METTL25: variants seen among roughly 807,000 people sequenced by gnomAD.
METTL25 encodes probable methyltransferase-like protein 25.
METTL25 carries 64 observed loss-of-function variants against 71.6 expected under a neutral mutation model. That is an observed-to-expected ratio of 0.89 (90% CI 0.73 to 1.10). The LOEUF is 1.10. Ranked by LOEUF, METTL25 falls within the 50% of genes least tolerant of loss-of-function variation. The pLI, the probability that METTL25 is intolerant of heterozygous loss-of-function variation, is 0.00. For missense variants in METTL25, 807 were observed against 707.0 expected (o/e 1.14, Z -1.60); for synonymous variants, 287 against 250.3 (o/e 1.15, Z -1.38).
At chr12:82,450,095 C>T (rs889575351) in intron 8 of METTL25, among the ~76,000 whole-genome samples, 2 of 152,100 alleles carry the variant, frequency 1.3e-5, no homozygotes, top group Non-Finnish European at 2.9e-5. Flanking sequence ...TAGGGAAAGA[C>T]TCAGAATATA....
chr12:82,376,079 T>C (rs544345469), intron 1 of METTL25, among the ~76,000 whole-genome samples: 2 of 152,386 alleles, frequency 1.3e-5, no homozygotes, highest in South Asian at 4.1e-4. Context: ...GTAGGAATTA[T>C]ACTTTTTCTA....
intron 5 of METTL25, among the ~76,000 whole-genome samples, chr12:82,411,427 G>A (rs746696001): frequency 2.0e-5 from 3 of 152,002 alleles, no homozygotes; most frequent in Non-Finnish European, 2.9e-5. Context: ...GGAGAATCAA[G>A]TTTTGGGGCA....
chr12:82,451,276 A>G (rs1487974738), intron 8 of METTL25: 3 of 978,028 alleles, frequency 3.1e-6, no homozygotes, highest in African/African-American at 3.5e-5. Context: ...TATTTTAAAG[A>G]CTCCTAATAG....
chr12:82,477,246 A>G, intron 10 of METTL25, 35 bp from the exon 11 acceptor site: 1 of 957,676 alleles, frequency 1.0e-6, no homozygotes, highest in Non-Finnish European at 1.6e-6. Context: ...TTTTTTAAGT[A>G]CCACCAACCT....
chr12:82,445,815 G>A (rs1890694703), intron 8 of METTL25, among the ~76,000 whole-genome samples: 1 of 152,164 alleles, frequency 6.6e-6, no homozygotes, highest in Admixed American at 6.5e-5. Flanking sequence ...AAGAGAAAAA[G>A]AAATTCCTAA....
chr12:82,382,800 C>T (rs1001941883), intron 1 of METTL25, among the ~76,000 whole-genome samples: 1 of 152,018 alleles, frequency 6.6e-6, no homozygotes, highest in African/African-American at 2.4e-5. Flanking sequence ...ACTACAGCTT[C>T]GACTTTGCAG....
At chr12:82,438,864 A>C (rs775284704) in intron 8 of METTL25, 73 bp downstream of exon 8, 2 of 1,363,970 alleles carry the variant, frequency 1.5e-6, no homozygotes, top group Admixed American at 4.8e-5. Context: ...CTTCAGGTGA[A>C]TTTATGCAGG....
At chr12:82,438,528 C>G in intron 7 of METTL25, 190 bp from the exon 8 acceptor site, 1 of 142,696 alleles carries the variant, frequency 7.0e-6, no homozygotes, top group East Asian at 1.1e-4. Flanking sequence ...TTTTTTTTTT[C>G]AGAATTACTT....
At chr12:82,414,265 G>T (rs1055458255) in intron 5 of METTL25, among the ~76,000 whole-genome samples, 1 of 152,104 alleles carries the variant, frequency 6.6e-6, no homozygotes, top group African/African-American at 2.4e-5. Context: ...AATATGAGAT[G>T]AATACAGAGA....
chr12:82,372,602 A>G (rs1883355502), intron 1 of METTL25, among the ~76,000 whole-genome samples: 2 of 152,144 alleles, frequency 1.3e-5, no homozygotes, highest in South Asian at 2.1e-4. Flanking sequence ...TCAGGTGGCC[A>G]TTTTTCCCCA....
Position 82,477,303 on chromosome 12 carries a change from G to A in METTL25, c.1670G>A (p.Cys557Tyr). The A allele has an allele frequency of 2.5e-6, 4 of 1,572,102 alleles. No homozygotes were observed. The highest frequency in any genetic ancestry group is 2.6e-6 in the Non-Finnish European group (3 of 1,159,544). The stretch of plus-strand genomic sequence containing the variant: ...TAGTTGAAAGTTGTACTGGCTCCCT[G>A]TATAGAGACTTTGATTCTTCTGGAT... The part of the protein sequence containing the change: ...FNMLKVVLAP[C>Y]IETLILLDRL... The change falls in exon 11 of 12, where the codon TGT becomes TAT. Residue 557 changes from cysteine (C) to tyrosine (Y), a missense_variant. Cys to Tyr is a radical substitution (Grantham distance 194, BLOSUM62 -2). Transcript: ENST00000248306.
chr12:82,359,092 A>C (rs972404929), intron 1 of METTL25, among the ~76,000 whole-genome samples: 17 of 152,284 alleles, frequency 1.1e-4, no homozygotes, highest in South Asian at 4.1e-4. Flanking sequence ...TCATCTAGTA[A>C]TTCCATAATA....
chr12:82,365,582 A>G (rs190140366), intron 1 of METTL25, among the ~76,000 whole-genome samples: 2 of 152,314 alleles, frequency 1.3e-5, no homozygotes, highest in Admixed American at 6.5e-5. Context: ...TAATGACTGT[A>G]AGTGTAAATC....
At chr12:82,441,193 A>G (rs969060393) in intron 8 of METTL25, among the ~76,000 whole-genome samples, 2 of 152,036 alleles carry the variant, frequency 1.3e-5, no homozygotes, top group African/African-American at 4.8e-5. Context: ...AGCTGCAATT[A>G]AAGTATTTCA....
chr12:82,465,170 T>C (rs1404641784), intron 9 of METTL25, among the ~76,000 whole-genome samples: 1 of 151,986 alleles, frequency 6.6e-6, no homozygotes, highest in African/African-American at 2.4e-5. Context: ...CTGGGCATCT[T>C]TGTCTTGCTA....
intron 1 of METTL25, among the ~76,000 whole-genome samples, chr12:82,377,275 G>C (rs982251947): frequency 6.6e-6 from 1 of 152,064 alleles, no homozygotes; most frequent in African/African-American, 2.4e-5. Context: ...GGTTGCATGC[G>C]TCACCTAGCA....
chr12:82,402,864 AT>A, intron 4 of METTL25, 118 bp from the exon 5 acceptor site: 2 of 655,360 alleles, frequency 3.1e-6, no homozygotes, highest in Admixed American at 6.7e-5. Flanking sequence ...GTGCCTGTGA[AT>A]AGCCACCACA....
chr12:82,409,435 A>G (rs1248528677), intron 5 of METTL25, among the ~76,000 whole-genome samples: 6 of 152,208 alleles, frequency 3.9e-5, no homozygotes, highest in South Asian at 2.1e-4. Flanking sequence ...TTTGGAGATA[A>G]CTTTTTTGGG....
intron 3 of METTL25, among the ~76,000 whole-genome samples, chr12:82,391,135 G>C (rs578153396): frequency 6.6e-6 from 1 of 152,204 alleles, no homozygotes; most frequent in Admixed American, 6.6e-5. Context: ...TACGAATCCA[G>C]TTACAGAGTA....
Sources: gnomAD v4.1 joint callset for allele counts (sites outside exome capture counted in the v4.1 genomes callset) on GRCh38, gnomAD v4.1.1 for gene constraint, MANE v1.5 for transcripts, NCBI Gene and HGNC (gene_info 2026-07-23, HGNC 2026-07-21) for gene names.